HEATR5B: variants seen among roughly 807,000 people sequenced by gnomAD.
HEATR5B encodes the protein HEAT repeat-containing protein 5B.
HEATR5B carries 156 observed loss-of-function variants against 224.1 expected under a neutral mutation model. The observed-to-expected ratio is 0.70, with a 90% CI of 0.61 to 0.80. The LOEUF is 0.80. HEATR5B is among the 30% of genes least tolerant of loss of function. HEATR5B has a pLI of 0.00. For missense variants in HEATR5B, 2,323 were observed against 2,535.5 expected, an observed-to-expected ratio of 0.92 and a Z score of 1.80; for synonymous variants, 1,027 against 893.0, an observed-to-expected ratio of 1.15 and a Z score of -2.68.
rs2148585841 is a variant in HEATR5B at position 37,070,266 on chromosome 2, C to T, written c.891G>A (p.Gly297=). 1 of 1,614,024 alleles carries T rather than the reference C, an allele frequency of 6.2e-7. No individual in the cohort carries two copies. Among genetic ancestry groups the T allele is most frequent in the East Asian group, 2.2e-5 (1 of 44,882 alleles). ...KSGGEMLKVG[G]SVNREVRVGV... ...CAACTCTCACTTCACGATTAACGGA[C>T]CCTCCAACTTTTAACATTTCTCCAC... is the stretch of plus-strand genomic sequence containing the variant. The change falls in exon 7 of 36, where the codon GGG becomes GGA. Residue 297 remains glycine (G), a synonymous_variant. Transcript: ENST00000233099.
At chr2:37,015,343 A>C (rs1256193968) in intron 26 of HEATR5B, among the ~76,000 whole-genome samples, 1 of 152,190 alleles carries the variant, frequency 6.6e-6, no homozygotes, top group African/African-American at 2.4e-5. Flanking sequence ...CTTTAGGAAA[A>C]CTGTTCCAGT....
chr2:37,015,097 A>C (rs1281301991), intron 26 of HEATR5B, among the ~76,000 whole-genome samples: 1 of 152,224 alleles, frequency 6.6e-6, no homozygotes, highest in African/African-American at 2.4e-5. Flanking sequence ...ACACTTAAAA[A>C]CAGACAAGGG....
rs927085261 is a variant in HEATR5B, at chr2:37,056,340, T to C, written c.2399+100A>G. 7.9e-6 allele frequency: 6 copies of C among 756,736 alleles called. No individual in the cohort carries two copies. The African/African-American group carries it at 1.1e-4, about 14-fold the overall frequency. 46.9% of individuals were successfully genotyped at this position (756,736 alleles called of 1,614,324 possible). A position where few individuals can be genotyped will look rare whatever the true frequency, so the allele number is the denominator to read the frequency against. ...AAGAGTACTGTTTTAAGTATTATAATAACTCACTTTATTGCAGAGTTAACT... is the reference window on the plus strand; with the variant it reads ...AAGAGTACTGTTTTAAGTATTATAACAACTCACTTTATTGCAGAGTTAACT... On this transcript the variant is annotated intron_variant, in intron 16 of 35. Transcript: ENST00000233099.
intron 26 of HEATR5B, among the ~76,000 whole-genome samples, chr2:37,016,315 G>A (rs776333686): frequency 3.9e-5 from 6 of 152,014 alleles, no homozygotes; most frequent in Non-Finnish European, 5.9e-5. Context: ...GTTTCACCAC[G>A]TTAGCCAGGA....
chr2:37,061,223 G>C (rs1349842957), intron 11 of HEATR5B, among the ~76,000 whole-genome samples: 1 of 152,104 alleles, frequency 6.6e-6, no homozygotes, highest in Non-Finnish European at 1.5e-5. Flanking sequence ...AATATATTCA[G>C]ACCTAGGAAT....
intron 27 of HEATR5B, among the ~76,000 whole-genome samples, chr2:37,010,540 G>C (rs1477708676): frequency 6.8e-6 from 1 of 146,918 alleles, no homozygotes; most frequent in Non-Finnish European, 1.5e-5. Flanking sequence ...TGAGATGGGA[G>C]TCTCGATCTG....
chr2:36,993,131 G>T (rs987960099), intron 33 of HEATR5B, among the ~76,000 whole-genome samples: 2 of 152,134 alleles, frequency 1.3e-5, no homozygotes, highest in African/African-American at 4.8e-5. Flanking sequence ...CTAGAACAGT[G>T]AGGGGGAAAT....
intron 10 of HEATR5B, among the ~76,000 whole-genome samples, chr2:37,063,130 G>C (rs1671384412): frequency 6.6e-6 from 1 of 152,090 alleles, no homozygotes; most frequent in African/African-American, 2.4e-5. Context: ...TGCATAATAG[G>C]AGTTCAACAA....
chr2:37,013,657 T>G (rs2541000), intron 27 of HEATR5B, among the ~76,000 whole-genome samples, 184 bp downstream of exon 27: 39,981 of 152,186 alleles, frequency 0.26, 6,583 homozygotes, highest in African/African-American at 0.46. Flanking sequence ...CCTCATATTA[T>G]GTAGGAGAGC....
chr2:37,013,880 C>A lies in HEATR5B; in HGVS notation c.4245G>T (p.Thr1415=). The part of the protein sequence containing the change: ...SSSQLYRESA[T]TMEKLAVLKA... ...TGAGAACAGCCAGTTTTTCCATGGT[C>A]GTGGCACTCTCTCGGTACAGCTGGC... The change falls in exon 27 of 36, where the codon ACG becomes ACT. Residue 1415 remains threonine (T), a synonymous_variant. Coordinates refer to ENST00000233099, the MANE Select transcript of HEATR5B (RefSeq NM_019024.3). 1.2e-6 allele frequency: 2 copies of A among 1,609,786 alleles called. No individual in the cohort carries two copies. The highest frequency in any genetic ancestry group is 1.1e-5 in the South Asian group (1 of 90,032).
intron 27 of HEATR5B, among the ~76,000 whole-genome samples, chr2:37,013,033 C>T (rs988270423): frequency 6.6e-6 from 1 of 151,996 alleles, no homozygotes; most frequent in Non-Finnish European, 1.5e-5. Context: ...GCTAACCTGA[C>T]AGAGCTGAAG....
intron 35 of HEATR5B, among the ~76,000 whole-genome samples, chr2:36,985,482 G>A (rs1665887167): frequency 7.5e-6 from 1 of 133,250 alleles, no homozygotes; most frequent in African/African-American, 2.8e-5. Context: ...TTTTGAGACA[G>A]AGTCTCACTC....
chr2:37,038,529 C>T (rs140324725), intron 20 of HEATR5B, among the ~76,000 whole-genome samples: 140 of 152,290 alleles, frequency 9.2e-4, no homozygotes, highest in African/African-American at 2.7e-3. Flanking sequence ...TTATCATTAT[C>T]ACTTTTGAAA....
At chr2:37,013,812 A>C in intron 27 of HEATR5B, 29 bp downstream of exon 27, 1 of 1,504,292 alleles carries the variant, frequency 6.6e-7, no homozygotes, top group Non-Finnish European at 8.9e-7. Flanking sequence ...AAATGGGTCA[A>C]AAACAATAGA....
intron 24 of HEATR5B, among the ~76,000 whole-genome samples, chr2:37,024,282 T>C (rs1222660746): frequency 6.6e-6 from 1 of 152,184 alleles, no homozygotes; most frequent in Non-Finnish European, 1.5e-5. Flanking sequence ...TACATGGAAT[T>C]ACAGTTAAAT....
Position 37,079,648 on chromosome 2 carries a change from G to C in HEATR5B, c.127-317C>G, listed in dbSNP as rs898432851. Among the ~76,000 whole-genome samples, 4 of 152,254 alleles carry C rather than the reference G, an allele frequency of 2.6e-5. No individual in the cohort carries two copies. The South Asian group carries it at 6.2e-4, about 24-fold the overall frequency. On this transcript the variant is annotated intron_variant, in intron 2 of 35. Transcript: ENST00000233099. The stretch of plus-strand genomic sequence containing the variant: ...AGCCAAAGGATGCAAAATATTGGGT[G>C]TATGGACAACTGATGTCTTACAACC...
intron 26 of HEATR5B, among the ~76,000 whole-genome samples, chr2:37,017,411 G>A (rs1243023756): frequency 1.3e-5 from 2 of 150,156 alleles, no homozygotes; most frequent in Admixed American, 1.3e-4. Flanking sequence ...AATGACAGGT[G>A]CGGTGGCTCA....
At chr2:36,991,943 A>G (rs1286810270) in intron 33 of HEATR5B, among the ~76,000 whole-genome samples, 1 of 152,230 alleles carries the variant, frequency 6.6e-6, no homozygotes, top group East Asian at 1.9e-4. Flanking sequence ...AAAAAAAGAG[A>G]TGTCGGCTGG....
chr2:37,012,019 C>T (rs1667819056), intron 27 of HEATR5B, among the ~76,000 whole-genome samples: 1 of 151,930 alleles, frequency 6.6e-6, no homozygotes, highest in Admixed American at 6.6e-5. Flanking sequence ...TCTTTCAGAC[C>T]TATTTTAAAA....
Sources: allele counts gnomAD v4.1 joint callset (sites outside exome capture counted in the v4.1 genomes callset), GRCh38; gene constraint gnomAD v4.1.1; transcripts MANE v1.5; gene names NCBI Gene and HGNC (gene_info 2026-07-23, HGNC 2026-07-21).